MTCL2: variants seen among roughly 807,000 people sequenced by gnomAD.
MTCL2 encodes the protein microtubule cross-linking factor 2.
the MTCL2 span, among the ~76,000 whole-genome samples, chr20:36,797,739 C>T: frequency 6.6e-6 from 1 of 152,208 alleles, no homozygotes; most frequent in African/African-American, 2.4e-5. Context: ...CCCCACTCTG[C>T]CTGGTGGATT....
chr20:36,830,052 T>G, the MTCL2 span, among the ~76,000 whole-genome samples: 1 of 152,072 alleles, frequency 6.6e-6, no homozygotes, highest in South Asian at 2.1e-4. Context: ...CAGGAGAGTC[T>G]TGAACTTGTG....
chr20:36,852,438 C>A, the MTCL2 span, among the ~76,000 whole-genome samples: 3 of 152,368 alleles, frequency 2.0e-5, no homozygotes, highest in African/African-American at 7.2e-5. Context: ...TGCCGGTCCC[C>A]CAGGAGTCTG....
the MTCL2 span, among the ~76,000 whole-genome samples, chr20:36,849,607 G>A: frequency 6.6e-6 from 1 of 152,040 alleles, no homozygotes; most frequent in African/African-American, 2.4e-5. Flanking sequence ...GCTGAATGTT[G>A]TATTTTTTGT....
the MTCL2 span, among the ~76,000 whole-genome samples, chr20:36,832,029 A>C: frequency 1.3e-5 from 2 of 152,230 alleles, no homozygotes; most frequent in African/African-American, 4.8e-5. Context: ...ACTTGGCCTC[A>C]TTCATATCTA....
chr20:36,812,603 A>G, the MTCL2 span: 3 of 1,490,456 alleles, frequency 2.0e-6, no homozygotes, highest in Non-Finnish European at 2.7e-6. Flanking sequence ...CCCCAAACCC[A>G]TATCCTCACC....
chr20:36,858,740 C>T, the MTCL2 span, among the ~76,000 whole-genome samples: 1 of 152,176 alleles, frequency 6.6e-6, no homozygotes, highest in Non-Finnish European at 1.5e-5. Flanking sequence ...TTCACACTTC[C>T]CTGATTCCTG....
At chr20:36,831,717 T>C in the MTCL2 span, among the ~76,000 whole-genome samples, 1 of 152,150 alleles carries the variant, frequency 6.6e-6, no homozygotes, top group Admixed American at 6.6e-5. Flanking sequence ...CCTCTCTGGG[T>C]ACCAGACCTT....
At chr20:36,803,739 TG>T in the MTCL2 span, among the ~76,000 whole-genome samples, 1 of 151,720 alleles carries the variant, frequency 6.6e-6, no homozygotes, top group Non-Finnish European at 1.5e-5. Flanking sequence ...GCAGATCACT[TG>T]AGATCAGAAG....
chr20:36,827,966 T>A, the MTCL2 span, among the ~76,000 whole-genome samples: 1 of 152,156 alleles, frequency 6.6e-6, no homozygotes, highest in Non-Finnish European at 1.5e-5. Context: ...CCCTGCACAC[T>A]GAGAGGGCAT....
the MTCL2 span, chr20:36,859,457 T>C: frequency 1.5e-6 from 1 of 671,218 alleles, no homozygotes; most frequent in Non-Finnish European, 2.1e-6. Context: ...AGCCACCACA[T>C]CAATCTCCCT....
the MTCL2 span, among the ~76,000 whole-genome samples, chr20:36,855,262 C>T: frequency 6.6e-6 from 1 of 152,178 alleles, no homozygotes; most frequent in Admixed American, 6.5e-5. Context: ...ATGACGAGAC[C>T]GAGGCTCAGA....
At chr20:36,822,025 G>A in the MTCL2 span, among the ~76,000 whole-genome samples, 1 of 152,252 alleles carries the variant, frequency 6.6e-6, no homozygotes, top group Admixed American at 6.5e-5. Flanking sequence ...TGGGGGCAGA[G>A]GAGACGAGTT....
At chr20:36,799,308 T>A in the MTCL2 span, among the ~76,000 whole-genome samples, 1 of 151,922 alleles carries the variant, frequency 6.6e-6, no homozygotes, top group Non-Finnish European at 1.5e-5. Context: ...CTGACCAACA[T>A]GGAGAAACCC....
the MTCL2 span, among the ~76,000 whole-genome samples, chr20:36,832,437 T>C: frequency 3.9e-5 from 6 of 152,334 alleles, no homozygotes; most frequent in South Asian, 1.2e-3. Flanking sequence ...TCTATGGATT[T>C]CATCCCCTCC....
At chr20:36,810,081 A>C in the MTCL2 span, 10 of 1,598,428 alleles carry the variant, frequency 6.3e-6, no homozygotes, top group South Asian at 1.1e-5. Context: ...CGTGGGCCTC[A>C]GCCAGCACCA....
At chr20:36,803,145 G>A in the MTCL2 span, 1 of 1,565,412 alleles carries the variant, frequency 6.4e-7, no homozygotes, top group Non-Finnish European at 8.6e-7. Flanking sequence ...GGCAGCAGGA[G>A]GCCACTCCTC....
chr20:36,815,493 G>A, the MTCL2 span: 10 of 1,588,214 alleles, frequency 6.3e-6, no homozygotes, highest in Non-Finnish European at 6.8e-6. The surrounding 1 kb of genome is among the most constrained non-coding windows in gnomAD (Gnocchi z 5.3). Context: ...CAGCACCTCG[G>A]CCTCCCTGGC....
the MTCL2 span, chr20:36,784,161 C>T: frequency 1.1e-5 from 11 of 985,712 alleles, no homozygotes; most frequent in African/African-American, 1.7e-4. Flanking sequence ...GGCAGAAGGC[C>T]TCTGGTGGCT....
chr20:36,815,604 C>A, the MTCL2 span: 1 of 1,593,148 alleles, frequency 6.3e-7, no homozygotes, highest in Non-Finnish European at 8.5e-7. The surrounding 1 kb of genome is among the most constrained non-coding windows in gnomAD (Gnocchi z 5.3). Context: ...CAGCATGGGC[C>A]GCGTACTCTG....
Sources: gnomAD v4.1 joint callset for allele counts (sites outside exome capture counted in the v4.1 genomes callset) on GRCh38, gnomAD v4.1.1 for gene constraint, Gnocchi (gnomAD v3.1) non-coding constraint, MANE v1.5 for transcripts, NCBI Gene and HGNC (gene_info 2026-07-23, HGNC 2026-07-21) for gene names.